CSNK1A1: variants seen among roughly 807,000 people sequenced by gnomAD.
CSNK1A1 encodes casein kinase 1 alpha 1.
A neutral mutation model predicts 46.1 loss-of-function variants in CSNK1A1; 7 were observed. The observed-to-expected ratio is 0.15, with a 90% confidence interval of 0.09 to 0.29. The LOEUF (loss-of-function observed/expected upper bound fraction) is 0.29, where lower values mean the gene tolerates loss of function less well. CSNK1A1 is among the 10% of genes least tolerant of loss of function. CSNK1A1 has a pLI of 1.00. For synonymous variants in CSNK1A1, 137 were observed against 141.5 expected (o/e 0.97, Z 0.23); for missense variants, 96 against 417.1 (o/e 0.23, Z 6.71).
chr5:149,514,444 T>A (rs1034526779), intron 4 of CSNK1A1, among the ~76,000 whole-genome samples: 6 of 152,232 alleles, frequency 3.9e-5, no homozygotes, highest in Admixed American at 6.5e-5. Context: ...TCACCTATTA[T>A]GCTATATTTT....
intron 4 of CSNK1A1, among the ~76,000 whole-genome samples, 195 bp from the exon 5 acceptor site, chr5:149,513,404 A>T (rs1339534320): frequency 7.8e-6 from 1 of 128,236 alleles, no homozygotes; most frequent in Non-Finnish European, 1.5e-5. Context: ...AAATCAAGTT[A>T]AAAAAAAAAA....
At chr5:149,538,039 T>TTTTC (rs1762115356) in intron 2 of CSNK1A1, among the ~76,000 whole-genome samples, 1 of 144,006 alleles carries the variant, frequency 6.9e-6, no homozygotes, top group African/African-American at 2.7e-5. Context: ...TTTTTTTTTT[T>TTTTC]GAGACGGAGT....
At chr5:149,503,299 T>C (rs1181017820) in intron 9 of CSNK1A1, 1 of 985,304 alleles carries the variant, frequency 1.0e-6, no homozygotes, top group Non-Finnish European at 1.2e-6. Flanking sequence ...TACATTTTCA[T>C]GGTTTATGAG....
rs1489721342 is a variant in CSNK1A1 at position 149,493,619 on chromosome 5, C to G, written c.*3234G>C. ...CATCTTTGGCTGTTTCAAACATACA[C>G]TGCTAAAAAAAAAAAAAGATTGTCA... On this transcript the variant is annotated 3_prime_UTR_variant, in exon 10 of 10. Coordinates refer to ENST00000377843, the MANE Select transcript of CSNK1A1 (RefSeq NM_001892.6). 5 of 149,266 alleles carry G rather than the reference C, an allele frequency of 3.3e-5. No individual in the cohort carries two copies. The highest frequency in any genetic ancestry group is 7.4e-5 in the Non-Finnish European group (5 of 67,552). The allele number at this position is 149,266 out of a possible 1,614,324, so 9.2% of individuals were successfully genotyped here. A position where few individuals can be genotyped will look rare whatever the true frequency, so the allele number is the denominator to read the frequency against.
chr5:149,518,224 A>G (rs1306661596), intron 4 of CSNK1A1, among the ~76,000 whole-genome samples: 1 of 152,034 alleles, frequency 6.6e-6, no homozygotes, highest in African/African-American at 2.4e-5. Flanking sequence ...CCCCAAAAAA[A>G]TATTGTACGG....
rs1761926186 is a variant in CSNK1A1 at position 149,532,278 on chromosome 5, C to A, written c.231-7107G>T. 5.3e-5 allele frequency among the ~76,000 whole-genome samples: 8 copies of A among 152,024 alleles called. No individual in the cohort carries two copies. The South Asian group carries it at 1.7e-3, about 32-fold the overall frequency. On this transcript the variant is annotated intron_variant, in intron 2 of 9. Coordinates refer to ENST00000377843, the MANE Select transcript of CSNK1A1 (RefSeq NM_001892.6). ...TGTAAACTATATTTTAAGATACCTG[C>A]AACAATAATGTGATATAAAATACCT...
chr5:149,539,906 A>G (rs931534978), intron 2 of CSNK1A1, among the ~76,000 whole-genome samples: 1 of 152,252 alleles, frequency 6.6e-6, no homozygotes, highest in Non-Finnish European at 1.5e-5. Context: ...TAATGATTAA[A>G]TGAGACCGTA....
chr5:149,533,605 T>C (rs1027823363), intron 2 of CSNK1A1, among the ~76,000 whole-genome samples: 2 of 152,004 alleles, frequency 1.3e-5, no homozygotes, highest in African/African-American at 4.8e-5. Context: ...CCCAGTAACA[T>C]AGTTATTTTC....
chr5:149,495,923 AT>A lies in CSNK1A1; in HGVS notation c.*929del, dbSNP rs1760642226. The A allele has an allele frequency of 6.6e-6, 1 of 152,552 alleles. No homozygotes were observed. The highest frequency in any genetic ancestry group is 1.5e-5 in the Non-Finnish European group (1 of 68,032). 9.4% of individuals were successfully genotyped at this position (152,552 alleles called of 1,614,324 possible). On this transcript the variant is annotated 3_prime_UTR_variant, in exon 10 of 10. Transcript: ENST00000377843. ...AGTAGTCTATCAAAAAATTGGGGAG[AT>A]TTTTATTTAATAGTGAGTCAGCAAG...
At chr5:149,516,225 C>T (rs1761396854) in intron 4 of CSNK1A1, among the ~76,000 whole-genome samples, 1 of 152,028 alleles carries the variant, frequency 6.6e-6, no homozygotes, top group Non-Finnish European at 1.5e-5. Context: ...GAGGCTGAGA[C>T]AGAATTGCTT....
In CSNK1A1 at chr5:149,511,885, A is replaced by G; in HGVS notation, c.597-13T>C. 3 of 1,585,336 alleles carry G rather than the reference A, an allele frequency of 1.9e-6. No individual in the cohort carries two copies. Among genetic ancestry groups the G allele is most frequent in the Non-Finnish European group, 1.7e-6 (2 of 1,161,482 alleles). On this transcript the variant is annotated splice_polypyrimidine_tract_variant and intron_variant, in intron 5 of 9. Transcript: ENST00000377843. ...GTCATCTCGGCGACTAGAAAAGAGA[A>G]CGTAATTTTATAAACTGGAACTATT...
rs1029081871 is a variant in CSNK1A1, at chr5:149,525,407, T to C, written c.231-236A>G. Reference sequence around the variant, plus strand: ...TTCTCCTATATAGATAGGACATGCATAGTAGCCTTAACACTCCTGTTACCA... The same window carrying C: ...TTCTCCTATATAGATAGGACATGCACAGTAGCCTTAACACTCCTGTTACCA... On this transcript the variant is annotated intron_variant, in intron 2 of 9. Transcript: ENST00000377843. The surrounding 1 kb of genome is among the most constrained non-coding windows in gnomAD (Gnocchi z 4.2). Among the ~76,000 whole-genome samples, 7 of 152,118 alleles carry C rather than the reference T, an allele frequency of 4.6e-5. No homozygotes were observed. The highest frequency in any genetic ancestry group is 1.7e-4 in the African/African-American group (7 of 41,422).
At chr5:149,541,444 T>C (rs1762228022) in intron 2 of CSNK1A1, among the ~76,000 whole-genome samples, 1 of 152,000 alleles carries the variant, frequency 6.6e-6, no homozygotes, top group South Asian at 2.1e-4. Context: ...TGGCATGAGC[T>C]ACCACACCCG....
At chr5:149,501,190 ACAAAC>A in intron 9 of CSNK1A1, 1 of 985,420 alleles carries the variant, frequency 1.0e-6, no homozygotes, top group Non-Finnish European at 1.2e-6. Flanking sequence ...CCAGATGACC[ACAAAC>A]CAACTCTTGC....
At chr5:149,506,780 T>G (rs1223242122) in intron 8 of CSNK1A1, among the ~76,000 whole-genome samples, 1 of 152,256 alleles carries the variant, frequency 6.6e-6, no homozygotes, top group Non-Finnish European at 1.5e-5. Context: ...GAATTATAAC[T>G]ATTCTGGAAA....
At chr5:149,549,924 G>A in intron 2 of CSNK1A1, 151 bp downstream of exon 2, 5 of 779,754 alleles carry the variant, frequency 6.4e-6, no homozygotes, top group Non-Finnish European at 8.0e-6. Context: ...CAGTAATTGA[G>A]ATGACTGACT....
chr5:149,542,618 A>ATATGTATG (rs1762291077), intron 2 of CSNK1A1, among the ~76,000 whole-genome samples: 1 of 12,554 alleles, frequency 8.0e-5, no homozygotes, highest in Admixed American at 1.7e-3. Context: ...ATATATATAT[A>ATATGTATG]TATATATATA....
rs1280717731 is a variant in CSNK1A1, at chr5:149,493,954, C to T, written c.*2899G>A. 6.6e-6 allele frequency: 1 copy of T among 152,206 alleles called. No homozygotes were observed. The highest frequency in any genetic ancestry group is 1.5e-5 in the Non-Finnish European group (1 of 68,032). 9.4% of individuals were successfully genotyped at this position (152,206 alleles called of 1,614,324 possible). A position where few individuals can be genotyped will look rare whatever the true frequency, so the allele number is the denominator to read the frequency against. The stretch of plus-strand genomic sequence containing the variant: ...CTAGTTGGAAAACGACCCAGGAACT[C>T]ACCTGCATTAAATGCTGAATTTAAC... On this transcript the variant is annotated 3_prime_UTR_variant, in exon 10 of 10. Coordinates refer to ENST00000377843, the MANE Select transcript of CSNK1A1 (RefSeq NM_001892.6).
At chr5:149,501,458 A>C (rs1760852934) in intron 9 of CSNK1A1, 2 of 985,440 alleles carry the variant, frequency 2.0e-6, no homozygotes, top group Non-Finnish European at 2.4e-6. Flanking sequence ...AAAAAGTCAA[A>C]CTAGACATAA....
Sources: gnomAD v4.1 joint callset for allele counts (sites outside exome capture counted in the v4.1 genomes callset) on GRCh38, gnomAD v4.1.1 for gene constraint, Gnocchi (gnomAD v3.1) non-coding constraint, MANE v1.5 for transcripts, NCBI Gene and HGNC (gene_info 2026-07-23, HGNC 2026-07-21) for gene names.